NIPBL: variants seen among roughly 807,000 people sequenced by gnomAD.
NIPBL encodes the protein nipped-B-like protein.
Under a neutral mutation model 321.8 loss-of-function variants are expected in NIPBL, and 19 were observed. The ratio of observed to expected loss-of-function variants is 0.06; its 90% CI spans 0.04 to 0.09. The LOEUF is 0.09. Among genes scored for constraint, NIPBL ranks in the 10% least tolerant of loss-of-function variants. NIPBL has a pLI of 1.00. For missense variants in NIPBL, 2,210 were observed against 3,327.0 expected (o/e 0.66, Z 8.26); for synonymous variants, 1,106 against 1,114.1 (o/e 0.99, Z 0.14).
At chr5:36,980,884 T>TTA (rs1419955135) in intron 9 of NIPBL, among the ~76,000 whole-genome samples, 1 of 151,676 alleles carries the variant, frequency 6.6e-6, no homozygotes, top group Non-Finnish European at 1.5e-5. Flanking sequence ...ATGGTATTTG[T>TTA]TATATAAGAA....
chr5:37,037,388 A>C (rs1751812614), intron 33 of NIPBL, among the ~76,000 whole-genome samples: 1 of 145,424 alleles, frequency 6.9e-6, no homozygotes, highest in South Asian at 2.1e-4. Context: ...ACTCCGTCTC[A>C]AAAAATATAT....
chr5:36,909,851 G>A (rs1747914004), intron 1 of NIPBL, among the ~76,000 whole-genome samples: 2 of 152,166 alleles, frequency 1.3e-5, no homozygotes, highest in South Asian at 4.1e-4. Context: ...GCCAAGGTGG[G>A]CAGATCACAA....
intron 1 of NIPBL, among the ~76,000 whole-genome samples, chr5:36,920,235 G>T (rs763452571): frequency 6.6e-6 from 1 of 152,090 alleles, no homozygotes; most frequent in Non-Finnish European, 1.5e-5. Context: ...AACTTGTAAC[G>T]CATTTAGATT....
At chr5:36,935,335 A>G (rs887318640) in intron 1 of NIPBL, among the ~76,000 whole-genome samples, 1 of 152,120 alleles carries the variant, frequency 6.6e-6, no homozygotes, top group African/African-American at 2.4e-5. Flanking sequence ...AGTACCTGAC[A>G]TCACATTTGT....
Position 37,060,719 on chromosome 5 carries a change from A to G in NIPBL, c.7686-125A>G, listed in dbSNP as rs373153235. Reference sequence around the variant, plus strand: ...GTATTGAAGCTGTCCTAGGATCACAATAGTATTAAAAATAGACATGAGAAA... The same window carrying G: ...GTATTGAAGCTGTCCTAGGATCACAGTAGTATTAAAAATAGACATGAGAAA... On this transcript the variant is annotated intron_variant, in intron 44 of 46. Transcript: ENST00000282516. The G allele has an allele frequency of 3.9e-3, 3,142 of 803,824 alleles. 116 individuals are homozygous for G. The South Asian group carries it at 0.054, about 14-fold the overall frequency. The allele number at this position is 803,824 out of a possible 1,614,324, so 49.8% of individuals were successfully genotyped here.
intron 1 of NIPBL, among the ~76,000 whole-genome samples, chr5:36,952,510 G>A (rs116824606): frequency 2.0e-5 from 3 of 152,028 alleles, no homozygotes; most frequent in Non-Finnish European, 4.4e-5. Flanking sequence ...TACAAAAAAG[G>A]ACTTACCAAG....
chr5:37,014,720 C>T lies in NIPBL; in HGVS notation c.4598C>T (p.Thr1533Ile). ...GTTGTCATTACTAACTCTTATGAAA[C>T]AGCTATGCGAACAGCCCAAAACTTC... ...QDVVITNSYE[T>I]AMRTAQNFLS... Residue 1533 changes from threonine to isoleucine, a missense_variant, in exon 22 of 47, where the codon ACA becomes ATA. Physicochemically the swap from Thr to Ile is moderately conservative, Grantham distance 89. Transcript: ENST00000282516. 1 of 1,609,764 alleles carries T rather than the reference C, an allele frequency of 6.2e-7. No individual in the cohort carries two copies. Among genetic ancestry groups the T allele is most frequent in the Non-Finnish European group, 8.5e-7 (1 of 1,176,292 alleles).
At chr5:37,044,841 T>G in intron 36 of NIPBL, 112 bp downstream of exon 36, 3 of 758,834 alleles carry the variant, frequency 4.0e-6, no homozygotes, top group East Asian at 2.7e-5. Flanking sequence ...GAGGTGTGAT[T>G]ATCCACCGTG....
At chr5:36,957,279 C>T (rs537169043) in intron 3 of NIPBL, among the ~76,000 whole-genome samples, 2 of 152,254 alleles carry the variant, frequency 1.3e-5, no homozygotes, top group South Asian at 4.1e-4. Flanking sequence ...GCTTTTCCCG[C>T]ACCATGACAT....
intron 10 of NIPBL, among the ~76,000 whole-genome samples, chr5:36,994,739 A>G (rs1745937387): frequency 6.6e-6 from 1 of 152,052 alleles, no homozygotes; most frequent in Non-Finnish European, 1.5e-5. Context: ...TGCTACTTCT[A>G]CTTTATTTTT....
In NIPBL at chr5:36,957,760, ACC is replaced by A. The variant is rs562127318; in HGVS notation, c.231-343_231-342del. Among the ~76,000 whole-genome samples, 1,476 of 152,260 alleles carry A rather than the reference ACC, an allele frequency of 9.7e-3. 33 individuals are homozygous for A. Among genetic ancestry groups the A allele is most frequent in the African/African-American group, 0.034 (1,429 of 41,558 alleles). On this transcript the variant is annotated intron_variant, in intron 3 of 46. Transcript: ENST00000282516. ...CACTTTGGGAGGCCGAGGCGGGCAG[ACC>A]ATCTGAGGTCAGGAGTTAGAGACCA...
rs747448695 is a variant in NIPBL at position 36,970,855 on chromosome 5, T to G, written c.611-21T>G. The G allele has an allele frequency of 4.4e-6, 7 of 1,603,584 alleles. No homozygotes were observed. The Middle Eastern group carries it at 8.3e-4, about 190-fold the overall frequency. Reference sequence around the variant, plus strand: ...GTTAAGAATCTTTTATTAAACCTTTTTTTATTCTTATTAATTTCAGCATCG... The same window carrying G: ...GTTAAGAATCTTTTATTAAACCTTTGTTTATTCTTATTAATTTCAGCATCG... On this transcript the variant is annotated intron_variant, in intron 6 of 46. Transcript: ENST00000282516.
chr5:37,048,969 ACT>A (rs1554032907), intron 39 of NIPBL, 140 bp from the exon 40 acceptor site: 5 of 817,432 alleles, frequency 6.1e-6, no homozygotes, highest in Non-Finnish European at 1.0e-5. Context: ...ACACACACAC[ACT>A]CACACACAGA....
chr5:36,984,915 T>C lies in NIPBL; in HGVS notation c.1735T>C (p.Ser579Pro). The change falls in exon 10 of 47, where the codon TCT (serine) becomes CCT (proline). Residue 579 changes from serine (S) to proline (P), a missense_variant. Physicochemically the swap from Ser to Pro is moderately conservative, Grantham distance 74. Around this residue, in one of 14 missense-constraint regions of NIPBL, gnomAD observed 588 missense variants for 564.1 expected, o/e 1.04. Coordinates refer to ENST00000282516, the MANE Select transcript of NIPBL (RefSeq NM_133433.4). ...CAAACAATGTAATGATGCACCTGTT[T>C]CTGTTCTTCAGGAAGATATTGTTGG... is the stretch of plus-strand genomic sequence containing the variant. ...EIKQCNDAPVSVLQEDIVGSL... is the reference protein window; with the variant it reads ...EIKQCNDAPVPVLQEDIVGSL... 1 of 1,613,916 alleles carries C rather than the reference T, an allele frequency of 6.2e-7. No individual in the cohort carries two copies. Among genetic ancestry groups the C allele is most frequent in the Non-Finnish European group, 8.5e-7 (1 of 1,179,912 alleles).
chr5:36,910,115 TTTTGAA>T (rs1267675327), intron 1 of NIPBL, among the ~76,000 whole-genome samples: 1 of 151,634 alleles, frequency 6.6e-6, no homozygotes, highest in Non-Finnish European at 1.5e-5. Flanking sequence ...TGATCTTCAG[TTTTGAA>T]ATAAAAATGT....
At position 36,984,771 on chromosome 5, in the gene NIPBL, A is replaced by G. The variant is rs587783890; in HGVS notation, c.1591A>G (p.Thr531Ala). The G allele has an allele frequency of 2.0e-5, 33 of 1,613,708 alleles. No individual in the cohort carries two copies. The Admixed American group carries it at 5.3e-4, about 26-fold the overall frequency. The part of the protein sequence containing the change: ...NRPASQETGS[T>A]GNGSRPALMV... Reference sequence around the variant, plus strand: ...ACCAGCTTCTCAGGAGACGGGTTCTACGGGAAATGGGTCAAGGCCAGCATT... The same window carrying G: ...ACCAGCTTCTCAGGAGACGGGTTCTGCGGGAAATGGGTCAAGGCCAGCATT... The change falls in exon 10 of 47, where the codon ACG (threonine) becomes GCG (alanine). Residue 531 changes from threonine (T) to alanine (A), a missense_variant. Around this residue, in one of 14 missense-constraint regions of NIPBL, gnomAD observed 588 missense variants for 564.1 expected, o/e 1.04. Transcript: ENST00000282516.
chr5:36,955,365 T>C, intron 2 of NIPBL, 107 bp from the exon 3 acceptor site: 1 of 946,688 alleles, frequency 1.1e-6, no homozygotes, highest in South Asian at 1.3e-5. Flanking sequence ...TTTAATAATT[T>C]GTCACATTGA....
At chr5:36,898,721 G>A (rs1459293785) in intron 1 of NIPBL, among the ~76,000 whole-genome samples, 1 of 152,084 alleles carries the variant, frequency 6.6e-6, no homozygotes, top group Non-Finnish European at 1.5e-5. Flanking sequence ...ATGTTGGTCA[G>A]GCTGGTCTCG....
chr5:36,908,911 A>G (rs967369762), intron 1 of NIPBL, among the ~76,000 whole-genome samples: 3 of 152,266 alleles, frequency 2.0e-5, no homozygotes, highest in Admixed American at 6.5e-5. Flanking sequence ...TGAACATAAC[A>G]TTTAATATTG....
Sources: gnomAD v4.1 joint callset for allele counts (sites outside exome capture counted in the v4.1 genomes callset) on GRCh38, gnomAD v4.1.1 for gene constraint, gnomAD v4.1.1 regional missense constraint, MANE v1.5 for transcripts, NCBI Gene and HGNC (gene_info 2026-07-23, HGNC 2026-07-21) for gene names.